The following USP32 variants were observed in gnomAD, a reference collection of about 807,000 sequenced individuals.
The protein encoded by USP32 is ubiquitin carboxyl-terminal hydrolase 32.
A neutral mutation model predicts 204.8 loss-of-function variants in USP32; 59 were observed. The observed-to-expected ratio is 0.29, with a 90% confidence interval of 0.23 to 0.36. The LOEUF is 0.36. Among genes scored for constraint, USP32 ranks in the 10% least tolerant of loss-of-function variants. USP32 has a pLI of 1.00. For synonymous variants in USP32, 517 were observed against 678.4 expected (o/e 0.76, Z 3.70); for missense variants, 1,160 against 1,946.4 (o/e 0.60, Z 7.60).
chr17:60,288,743 T>C, intron 4 of USP32, 61 bp from the exon 5 acceptor site: 1 of 1,443,660 alleles, frequency 6.9e-7, no homozygotes, highest in Non-Finnish European at 9.4e-7. Flanking sequence ...ACTTGGAACC[T>C]GCACAACCTG....
intron 1 of USP32, among the ~76,000 whole-genome samples, chr17:60,348,913 G>A (rs1410534747): frequency 6.6e-6 from 1 of 152,126 alleles, no homozygotes; most frequent in Non-Finnish European, 1.5e-5. Context: ...AGTAGCTAGA[G>A]AAAAGTATGA....
chr17:60,180,953 A>T (rs1202375284), intron 32 of USP32, among the ~76,000 whole-genome samples: 1 of 151,682 alleles, frequency 6.6e-6, no homozygotes, highest in Non-Finnish European at 1.5e-5. Flanking sequence ...AGTGATCACA[A>T]CTCTCTAAAG....
intron 1 of USP32, among the ~76,000 whole-genome samples, chr17:60,379,598 T>TA (rs2089611999): frequency 6.6e-6 from 1 of 152,204 alleles, no homozygotes; most frequent in Admixed American, 6.5e-5. Flanking sequence ...TACAATTGTC[T>TA]ATCTTCTAAT....
At chr17:60,345,443 T>C in intron 2 of USP32, 38 bp downstream of exon 2, 3 of 1,608,372 alleles carry the variant, frequency 1.9e-6, no homozygotes, top group Non-Finnish European at 2.5e-6. Context: ...TGGAGGTGGA[T>C]AACTACCTCA....
At chr17:60,369,413 G>C (rs1399697381) in intron 1 of USP32, among the ~76,000 whole-genome samples, 3 of 110,562 alleles carry the variant, frequency 2.7e-5, no homozygotes, top group Non-Finnish European at 5.1e-5. Flanking sequence ...AACATAGCAA[G>C]ACCCCTACCT....
At chr17:60,192,284 C>A (rs1960213684) in intron 28 of USP32, among the ~76,000 whole-genome samples, 1 of 151,904 alleles carries the variant, frequency 6.6e-6, no homozygotes, top group Admixed American at 6.6e-5. Context: ...GAGCGAGACT[C>A]CATCTCAAAA....
At chr17:60,288,294 G>A (rs536036676) in intron 5 of USP32, among the ~76,000 whole-genome samples, 1 of 151,936 alleles carries the variant, frequency 6.6e-6, no homozygotes, top group Admixed American at 6.6e-5. Flanking sequence ...AAAAAAATTA[G>A]CCAGGCATGG....
rs2088763500 is a variant in USP32 at position 60,345,476 on chromosome 17, A to T, written c.186+5T>A. ...TCAAAGGAAAACTTAGAACAAAAAG[A>T]TTACCTCAGCAACCTTTGGAGGCAC... On this transcript the variant is annotated splice_donor_5th_base_variant and intron_variant, in intron 2 of 33. Transcript: ENST00000300896. 1 of 1,613,212 alleles carries T rather than the reference A, an allele frequency of 6.2e-7. No homozygotes were observed.
intron 11 of USP32, among the ~76,000 whole-genome samples, chr17:60,240,790 G>C (rs1027732159): frequency 6.6e-6 from 1 of 152,088 alleles, no homozygotes; most frequent in African/African-American, 2.4e-5. Flanking sequence ...CCCACCACCC[G>C]CAAGACTTTC....
intron 2 of USP32, among the ~76,000 whole-genome samples, chr17:60,316,779 T>C (rs1181879560): frequency 6.6e-6 from 1 of 152,104 alleles, no homozygotes; most frequent in Non-Finnish European, 1.5e-5. Context: ...AGGTGGAGGT[T>C]GCAGTGAGCA....
intron 5 of USP32, among the ~76,000 whole-genome samples, chr17:60,281,828 G>T (rs1285940371): frequency 6.6e-6 from 1 of 152,098 alleles, no homozygotes. Context: ...CACCCTGGAG[G>T]TCTGTAAAGT....
At chr17:60,392,720 T>C (rs2089863831), upstream of USP32, 1 of 410,542 alleles carries the variant, frequency 2.4e-6, no homozygotes, top group Non-Finnish European at 4.9e-6. Flanking sequence ...ATCTCAAGGC[T>C]TTCCTGTGAC....
chr17:60,398,233 AAAAATCTT>A (rs2089912300), intron 1 of USP32, among the ~76,000 whole-genome samples: 1 of 152,072 alleles, frequency 6.6e-6, no homozygotes, highest in African/African-American at 2.4e-5. Context: ...AGCCATCTCA[AAAAATCTT>A]AAAAATTAGC....
At chr17:60,236,695 TAA>T (rs1487318488) in intron 11 of USP32, among the ~76,000 whole-genome samples, 1 of 152,230 alleles carries the variant, frequency 6.6e-6, no homozygotes, top group Admixed American at 6.5e-5. Context: ...TGAGAACATT[TAA>T]AACATTTCAA....
intron 1 of USP32, among the ~76,000 whole-genome samples, chr17:60,352,532 A>C (rs1238225771): frequency 6.6e-6 from 1 of 152,144 alleles, no homozygotes; most frequent in African/African-American, 2.4e-5. Flanking sequence ...CCAAACTTAA[A>C]CCTAACTGAT....
intron 1 of USP32, among the ~76,000 whole-genome samples, chr17:60,417,574 C>T (rs993453886): frequency 6.6e-6 from 1 of 151,574 alleles, no homozygotes; most frequent in Non-Finnish European, 1.5e-5. Context: ...CTGCCTCAGC[C>T]TCCTGAGTAG....
At chr17:60,337,528 T>C (rs2088550315) in intron 2 of USP32, among the ~76,000 whole-genome samples, 1 of 152,308 alleles carries the variant, frequency 6.6e-6, no homozygotes, top group African/African-American at 2.4e-5. Context: ...ATATACAATA[T>C]GCACAGCACT....
At chr17:60,190,523 A>G (rs1466827988) in intron 29 of USP32, 40 bp downstream of exon 29, 6 of 1,510,496 alleles carry the variant, frequency 4.0e-6, no homozygotes, top group Non-Finnish European at 4.4e-6. Flanking sequence ...GAAATTTCTC[A>G]TATAAAAACC....
intron 1 of USP32, among the ~76,000 whole-genome samples, chr17:60,399,692 T>C (rs745889742): frequency 6.6e-5 from 10 of 151,814 alleles, no homozygotes; most frequent in Admixed American, 1.3e-4. Flanking sequence ...AAAAGTAAAA[T>C]ATAAAAATAC....
Sources: allele counts gnomAD v4.1 joint callset (sites outside exome capture counted in the v4.1 genomes callset), GRCh38; gene constraint gnomAD v4.1.1; transcripts MANE v1.5; gene names NCBI Gene and HGNC (gene_info 2026-07-23, HGNC 2026-07-21).